The following PPM1E variants were observed in gnomAD, a reference collection of about 807,000 sequenced individuals.
The protein encoded by PPM1E is protein phosphatase, Mg2+/Mn2+ dependent 1E, also known as protein phosphatase 1E.
In PPM1E, 20 loss-of-function variants were observed where a neutral mutation model predicts 65.9. That is an observed-to-expected ratio of 0.30 (90% CI 0.21 to 0.44). PPM1E has a LOEUF of 0.44. Among genes scored for constraint, PPM1E ranks in the 20% least tolerant of loss-of-function variants. The pLI, the probability that PPM1E is intolerant of heterozygous loss-of-function variation, is 1.00. For missense variants in PPM1E, 713 were observed against 953.1 expected (o/e 0.75, Z 3.32); for synonymous variants, 352 against 374.9 (o/e 0.94, Z 0.70).
intron 1 of PPM1E, among the ~76,000 whole-genome samples, chr17:58,936,931 C>G (rs2051989079): frequency 6.6e-6 from 1 of 152,076 alleles, no homozygotes. Flanking sequence ...AATCTGACTC[C>G]TTTCCTATTC....
chr17:58,782,970 T>TTGTTGTTG (rs1180782255), intron 1 of PPM1E, among the ~76,000 whole-genome samples: 1 of 152,184 alleles, frequency 6.6e-6, no homozygotes, highest in Non-Finnish European at 1.5e-5. Flanking sequence ...AACAAATCAC[T>TTGTTGTTG]TAGTAAAGTA....
Position 58,755,892 on chromosome 17 carries a change from C to G in PPM1E, c.-106C>G, listed in dbSNP as rs908895664. 6.5e-7 allele frequency: 1 copy of G among 1,527,960 alleles called. No individual in the cohort carries two copies. Among genetic ancestry groups the G allele is most frequent in the Non-Finnish European group, 8.8e-7 (1 of 1,139,556 alleles). 94.7% of individuals were successfully genotyped at this position (1,527,960 alleles called of 1,614,324 possible). A position where few individuals can be genotyped will look rare whatever the true frequency, so the allele number is the denominator to read the frequency against. ...CTAGTGCTGATCGCTCGTGCCGGTGCGGCCGTTAACCGCCCTTGCCGGAGC... is the reference window on the plus strand; with the variant it reads ...CTAGTGCTGATCGCTCGTGCCGGTGGGGCCGTTAACCGCCCTTGCCGGAGC... On this transcript the variant is annotated 5_prime_UTR_variant, in exon 1 of 7. Coordinates refer to ENST00000308249, the MANE Select transcript of PPM1E (RefSeq NM_014906.5).
chr17:58,901,837 G>A (rs1001892339), intron 1 of PPM1E, among the ~76,000 whole-genome samples: 8 of 151,892 alleles, frequency 5.3e-5, no homozygotes, highest in South Asian at 2.1e-4. Context: ...TTAGCCAGGC[G>A]TAGTGGTACA....
intron 1 of PPM1E, among the ~76,000 whole-genome samples, chr17:58,927,076 T>G (rs1198379346): frequency 6.6e-6 from 1 of 151,902 alleles, no homozygotes; most frequent in Non-Finnish European, 1.5e-5. Flanking sequence ...CTTTAAAATA[T>G]ATTCATTTTT....
At chr17:58,859,521 G>C (rs1197181606) in intron 1 of PPM1E, among the ~76,000 whole-genome samples, 3 of 152,168 alleles carry the variant, frequency 2.0e-5, no homozygotes, top group Admixed American at 1.3e-4. Flanking sequence ...TATTACTAGA[G>C]AGTCATGTCC....
rs776250946 is a variant in PPM1E, at chr17:58,980,567, CTTA to C, written c.1808_1810del (p.Ile603del). 138 of 1,614,180 alleles carry C rather than the reference CTTA, an allele frequency of 8.5e-5. No homozygotes were observed. Among genetic ancestry groups the C allele is most frequent in the Non-Finnish European group, 1.1e-4 (134 of 1,180,022 alleles). On this transcript the variant is annotated inframe_deletion, in exon 7 of 7. Transcript: ENST00000308249. This position sits in a 1 kb window ranked among gnomAD's most constrained non-coding sequence, Gnocchi z 4.7. ...TCCTGGTGCACCAAAGAAAGCAAAT[CTTA>C]TTAATGAGTTAATGATGGAGAAAAA... is the stretch of plus-strand genomic sequence containing the variant.
chr17:58,923,764 A>T (rs1198779152), intron 1 of PPM1E, among the ~76,000 whole-genome samples: 3 of 150,162 alleles, frequency 2.0e-5, no homozygotes, highest in Admixed American at 6.6e-5. Flanking sequence ...AAAAAAAAAA[A>T]GTCATTTGGA....
At chr17:58,793,515 C>T (rs555423592) in intron 1 of PPM1E, among the ~76,000 whole-genome samples, 2 of 151,954 alleles carry the variant, frequency 1.3e-5, no homozygotes, top group South Asian at 4.2e-4. Context: ...ACCACCATGC[C>T]TGGCTAATTT....
intron 1 of PPM1E, among the ~76,000 whole-genome samples, chr17:58,852,771 T>C (rs1312416700): frequency 6.6e-6 from 1 of 152,006 alleles, no homozygotes; most frequent in Non-Finnish European, 1.5e-5. Context: ...ATCCAGCTAA[T>C]TTTTATATTT....
chr17:58,907,730 CATT>C (rs1301642728), intron 1 of PPM1E, among the ~76,000 whole-genome samples: 5 of 152,196 alleles, frequency 3.3e-5, no homozygotes, highest in Non-Finnish European at 7.3e-5. Context: ...ACTCCTTTAT[CATT>C]ATGTAATGCC....
rs142561738 is a variant in PPM1E at position 58,829,848 on chromosome 17, C to T, written c.464+73387C>T. 5.8e-3 allele frequency among the ~76,000 whole-genome samples: 878 copies of T among 152,086 alleles called. 5 individuals are homozygous for T. Among genetic ancestry groups the T allele is most frequent in the African/African-American group, 9.4e-3 (391 of 41,502 alleles). ...TTGTTAACCTGAAATATCTTTATTC[C>T]ACTCCTCCACTTGATTGTTAGCCTA... On this transcript the variant is annotated intron_variant, in intron 1 of 6. Transcript: ENST00000308249.
At chr17:58,772,879 A>G (rs927236190) in intron 1 of PPM1E, among the ~76,000 whole-genome samples, 2 of 152,126 alleles carry the variant, frequency 1.3e-5, no homozygotes, top group Non-Finnish European at 2.9e-5. Flanking sequence ...CCAAATAATC[A>G]GGAAATAGAA....
At chr17:58,925,977 A>G (rs1376646333) in intron 1 of PPM1E, among the ~76,000 whole-genome samples, 2 of 152,128 alleles carry the variant, frequency 1.3e-5, no homozygotes, top group African/African-American at 4.8e-5. Context: ...TAGTTTCTCT[A>G]TACTGTTCCT....
chr17:58,939,928 A>G (rs2052041451), intron 1 of PPM1E, among the ~76,000 whole-genome samples: 2 of 152,198 alleles, frequency 1.3e-5, no homozygotes, highest in Non-Finnish European at 2.9e-5. Flanking sequence ...GAGAGTCCTA[A>G]CAAGATTAAT....
At chr17:58,811,475 C>T (rs2050367337) in intron 1 of PPM1E, among the ~76,000 whole-genome samples, 1 of 152,124 alleles carries the variant, frequency 6.6e-6, no homozygotes, top group South Asian at 2.1e-4. Context: ...ATTACATCTT[C>T]AATATCTGTT....
At chr17:58,798,894 A>G (rs188306106) in intron 1 of PPM1E, among the ~76,000 whole-genome samples, 1 of 151,908 alleles carries the variant, frequency 6.6e-6, no homozygotes, top group Non-Finnish European at 1.5e-5. Flanking sequence ...GGGTTTCACT[A>G]TGTTGGCCAG....
At chr17:58,795,676 C>T (rs1471383313) in intron 1 of PPM1E, among the ~76,000 whole-genome samples, 1 of 152,188 alleles carries the variant, frequency 6.6e-6, no homozygotes, top group Non-Finnish European at 1.5e-5. Context: ...TGCACTGTAG[C>T]TTGGGAGACA....
At chr17:58,942,665 G>A (rs2052088949) in intron 1 of PPM1E, among the ~76,000 whole-genome samples, 1 of 152,036 alleles carries the variant, frequency 6.6e-6, no homozygotes, top group African/African-American at 2.4e-5. Context: ...ACTCAAGTCT[G>A]TTCTTTAAGA....
chr17:58,974,440 C>T (rs746420037), intron 6 of PPM1E, among the ~76,000 whole-genome samples: 3 of 152,128 alleles, frequency 2.0e-5, no homozygotes, highest in Non-Finnish European at 4.4e-5. Flanking sequence ...CAATGAAACT[C>T]GGTCTAAAAC....
Sources: allele counts gnomAD v4.1 joint callset (sites outside exome capture counted in the v4.1 genomes callset), GRCh38; gene constraint gnomAD v4.1.1; non-coding constraint Gnocchi (gnomAD v3.1); transcripts MANE v1.5; gene names NCBI Gene and HGNC (gene_info 2026-07-23, HGNC 2026-07-21).